USP6NL: variants seen among roughly 807,000 people sequenced by gnomAD.
USP6NL encodes USP6 N-terminal like, also known as USP6 N-terminal-like protein.
In USP6NL, 26 loss-of-function variants were observed where a neutral mutation model predicts 61.9. The observed-to-expected ratio is 0.42, with a 90% CI of 0.31 to 0.58. The LOEUF is 0.58. Ranked by LOEUF, USP6NL falls within the 20% of genes least tolerant of loss-of-function variation. The probability of loss-of-function intolerance (pLI) is 0.16; values close to 1 mark genes in which losing one functional copy is unlikely to be tolerated. For synonymous variants in USP6NL, 432 were observed against 390.1 expected (o/e 1.11, Z -1.27); for missense variants, 1,114 against 1,034.3 (o/e 1.08, Z -1.06).
chr10:11,589,747 G>A lies in USP6NL; in HGVS notation c.4+7884C>T, dbSNP rs905182182. On this transcript the variant is annotated intron_variant, in intron 2 of 14. Coordinates refer to ENST00000609104, the MANE Select transcript of USP6NL (RefSeq NM_014688.5). The surrounding 1 kb of genome is among the most constrained non-coding windows in gnomAD (Gnocchi z 4.7). The stretch of plus-strand genomic sequence containing the variant: ...TGTATTTTTAAAAAGACATTGTGAC[G>A]CCAAATGCCCCACAATATAAATGTT... Among the ~76,000 whole-genome samples, 2 of 152,048 alleles carry A rather than the reference G, an allele frequency of 1.3e-5. No individual in the cohort carries two copies. Among genetic ancestry groups the A allele is most frequent in the African/African-American group, 2.4e-5 (1 of 41,388 alleles).
intron 2 of USP6NL, among the ~76,000 whole-genome samples, chr10:11,550,405 C>A (rs1836437967): frequency 6.6e-6 from 1 of 152,116 alleles, no homozygotes; most frequent in Non-Finnish European, 1.5e-5. Context: ...TTCTTACAAC[C>A]CAGTAAGAAG....
In USP6NL at chr10:11,489,867, A is replaced by G. The variant is rs1833635914; in HGVS notation, c.544-645T>C. On this transcript the variant is annotated intron_variant, in intron 9 of 14. Coordinates refer to ENST00000609104, the MANE Select transcript of USP6NL (RefSeq NM_014688.5). This position sits in a 1 kb window ranked among gnomAD's most constrained non-coding sequence, Gnocchi z 5.7. ...CCAGAGACTGTAATCAGATGGGGGT[A>G]CGTACTGGAACAGAATGCTCACAAT... 6.6e-6 allele frequency among the ~76,000 whole-genome samples: 1 copy of G among 152,232 alleles called. No individual in the cohort carries two copies. The highest frequency in any genetic ancestry group is 1.5e-5 in the Non-Finnish European group (1 of 68,044).
At chr10:11,502,925 G>C (rs769721906) in intron 6 of USP6NL, among the ~76,000 whole-genome samples, 1 of 152,098 alleles carries the variant, frequency 6.6e-6, no homozygotes, top group Non-Finnish European at 1.5e-5. Context: ...GTACAGAAAG[G>C]CTTCATGTTG....
rs1424812711 is a variant in USP6NL, at chr10:11,528,018, T to C, written c.5-451A>G. 6.6e-6 allele frequency among the ~76,000 whole-genome samples: 1 copy of C among 152,148 alleles called. No individual in the cohort carries two copies. Among genetic ancestry groups the C allele is most frequent in the African/African-American group, 2.4e-5 (1 of 41,442 alleles). Reference sequence around the variant, plus strand: ...ATTTTACATGATACAAATATGTCTTTGTTTAGCCTTTTAGTTCCCTTTATC... The same window carrying C: ...ATTTTACATGATACAAATATGTCTTCGTTTAGCCTTTTAGTTCCCTTTATC... On this transcript the variant is annotated intron_variant, in intron 2 of 14. Transcript: ENST00000609104. The surrounding 1 kb of genome is among the most constrained non-coding windows in gnomAD (Gnocchi z 4.6).
chr10:11,583,548 T>G (rs949722351), intron 2 of USP6NL, among the ~76,000 whole-genome samples: 3 of 152,046 alleles, frequency 2.0e-5, no homozygotes, highest in Non-Finnish European at 4.4e-5. Flanking sequence ...GACTTCTCTT[T>G]TAACTTTGCA....
In USP6NL at chr10:11,531,748, A is replaced by G. The variant is rs1458475231; in HGVS notation, c.5-4181T>C. ...TGATTTTTTTTATCTAATGTAACAA[A>G]GTTTCAAAGTAAAAGAGGCATATTT... On this transcript the variant is annotated intron_variant, in intron 2 of 14. Coordinates refer to ENST00000609104, the MANE Select transcript of USP6NL (RefSeq NM_014688.5). Among the ~76,000 whole-genome samples the G allele has an allele frequency of 2.0e-5, 3 of 152,178 alleles. No individual in the cohort carries two copies. The South Asian group carries it at 6.2e-4, about 31-fold the overall frequency.
intron 2 of USP6NL, among the ~76,000 whole-genome samples, chr10:11,565,851 C>T (rs1353132793): frequency 6.6e-6 from 1 of 151,976 alleles, no homozygotes; most frequent in African/African-American, 2.4e-5. Flanking sequence ...TTTTGGATTC[C>T]CTTTACTTCA....
intron 2 of USP6NL, among the ~76,000 whole-genome samples, chr10:11,593,476 C>T (rs916757686): frequency 6.6e-6 from 1 of 152,100 alleles, no homozygotes; most frequent in Non-Finnish European, 1.5e-5. Context: ...AGTATAACAA[C>T]TTAATTTAAT....
rs781270769 is a variant in USP6NL at position 11,462,785 on chromosome 10, C to T, written c.2143G>A (p.Gly715Arg). The change falls in exon 15 of 15, where the codon GGG becomes AGG. Residue 715 changes from glycine to arginine, a missense_variant. By Grantham distance (125) the Gly-to-Arg change is moderately radical. Coordinates refer to ENST00000609104, the MANE Select transcript of USP6NL (RefSeq NM_014688.5). ...TGAGGYSGNS[G>R]SPKNGKLIIP... The stretch of plus-strand genomic sequence containing the variant: ...ATCAATTTTCCATTCTTTGGTGACC[C>T]TGAATTGCCCGAATATCCCCCAGCA... 108 of 1,613,884 alleles carry T rather than the reference C, an allele frequency of 6.7e-5. 1 individual carries two copies. The Admixed American group carries it at 1.7e-3, about 25-fold the overall frequency.
At chr10:11,610,189 T>G (rs958076953) in intron 1 of USP6NL, among the ~76,000 whole-genome samples, 3 of 152,200 alleles carry the variant, frequency 2.0e-5, no homozygotes, top group African/African-American at 4.8e-5. Flanking sequence ...TTTTTTCTAT[T>G]TGGACATTTT....
At position 11,463,391 on chromosome 10, in the gene USP6NL, G is replaced by A. The variant is rs762356741; in HGVS notation, c.1537C>T (p.Pro513Ser). ...TMEGKGRAAH[P>S]ALAVTVPGPA... ...CCTGGGACGGTAACTGCGAGCGCGG[G>A]GTGCGCTGCTCGACCTTTGCCTTCC... is the stretch of plus-strand genomic sequence containing the variant. The change falls in exon 15 of 15, where the codon CCC becomes TCC. Residue 513 changes from proline to serine, a missense_variant. Pro to Ser is a moderately conservative substitution (Grantham distance 74). Coordinates refer to ENST00000609104, the MANE Select transcript of USP6NL (RefSeq NM_014688.5). The surrounding 1 kb of genome is among the most constrained non-coding windows in gnomAD (Gnocchi z 6.3). 3.1e-6 allele frequency: 5 copies of A among 1,614,028 alleles called. No homozygotes were observed. Among genetic ancestry groups the A allele is most frequent in the Non-Finnish European group, 3.4e-6 (4 of 1,179,910 alleles).
rs1281983750 is a variant in USP6NL, at chr10:11,489,327, T to A, written c.544-105A>T. ...AAAAACCAGAAAATGCCTACACACA[T>A]CATTTAATGGTCCATTCTAGAGACA... On this transcript the variant is annotated intron_variant, in intron 9 of 14. Transcript: ENST00000609104. The surrounding 1 kb of genome is among the most constrained non-coding windows in gnomAD (Gnocchi z 5.7). 1.4e-6 allele frequency: 2 copies of A among 1,422,626 alleles called. No individual in the cohort carries two copies. Among genetic ancestry groups the A allele is most frequent in the Non-Finnish European group, 1.9e-6 (2 of 1,050,008 alleles). 88.1% of individuals were successfully genotyped at this position (1,422,626 alleles called of 1,614,324 possible). A position where few individuals can be genotyped will look rare whatever the true frequency, so the allele number is the denominator to read the frequency against.
intron 2 of USP6NL, among the ~76,000 whole-genome samples, chr10:11,568,156 TG>T (rs2133560030): frequency 6.6e-6 from 1 of 151,062 alleles, no homozygotes; most frequent in East Asian, 2.0e-4. Context: ...TAGTTGTGTG[TG>T]TGTGTGTGTG....
intron 4 of USP6NL, among the ~76,000 whole-genome samples, chr10:11,521,444 G>A (rs992863864): frequency 8.7e-5 from 13 of 150,104 alleles, no homozygotes; most frequent in Admixed American, 2.0e-4. Flanking sequence ...GCAACGGTGC[G>A]ATCTCCGCTC....
intron 2 of USP6NL, among the ~76,000 whole-genome samples, chr10:11,556,666 T>C (rs775395469): frequency 4.6e-5 from 7 of 152,108 alleles, no homozygotes; most frequent in Non-Finnish European, 1.0e-4. Flanking sequence ...CAATAATCAT[T>C]ACAGGAGATA....
In USP6NL at chr10:11,510,794, AAGGGC is replaced by A; in HGVS notation, c.196-1124_196-1120del. Among the ~76,000 whole-genome samples, 3 of 152,228 alleles carry A rather than the reference AAGGGC, an allele frequency of 2.0e-5. No homozygotes were observed. Among genetic ancestry groups the A allele is most frequent in the Non-Finnish European group, 4.4e-5 (3 of 68,034 alleles). On this transcript the variant is annotated intron_variant, in intron 5 of 14. Coordinates refer to ENST00000609104, the MANE Select transcript of USP6NL (RefSeq NM_014688.5). The surrounding 1 kb of genome is among the most constrained non-coding windows in gnomAD (Gnocchi z 4.8). ...ATTTTACAATGAGGAAACAGGCACA[AAGGGC>A]TTAAGGGACTTGTCCCAAGTCACCC...
At chr10:11,551,742 T>C (rs1186310822) in intron 2 of USP6NL, among the ~76,000 whole-genome samples, 1 of 152,208 alleles carries the variant, frequency 6.6e-6, no homozygotes, top group African/African-American at 2.4e-5. Flanking sequence ...CTCACTGACA[T>C]TCTACAACTT....
At position 11,499,657 on chromosome 10, in the gene USP6NL, G is replaced by A. The variant is rs563912699; in HGVS notation, c.384+1444C>T. On this transcript the variant is annotated intron_variant, in intron 7 of 14. Coordinates refer to ENST00000609104, the MANE Select transcript of USP6NL (RefSeq NM_014688.5). The surrounding 1 kb of genome is among the most constrained non-coding windows in gnomAD (Gnocchi z 4.5). ...GCCAGGTGATAAGGAAGACAGGGAT[G>A]GAGCGATGCCAAAATGCACTAAGGA... Among the ~76,000 whole-genome samples the A allele has an allele frequency of 3.2e-4, 49 of 152,280 alleles. No individual in the cohort carries two copies. Among genetic ancestry groups the A allele is most frequent in the Admixed American group, 2.0e-3 (30 of 15,298 alleles).
intron 2 of USP6NL, among the ~76,000 whole-genome samples, chr10:11,557,341 G>A (rs867263940): frequency 1.6e-4 from 24 of 152,270 alleles, no homozygotes; most frequent in African/African-American, 5.5e-4. Flanking sequence ...AAGGAGGCAA[G>A]TACAATACCC....
Sources: allele counts gnomAD v4.1 joint callset (sites outside exome capture counted in the v4.1 genomes callset), GRCh38; gene constraint gnomAD v4.1.1; non-coding constraint Gnocchi (gnomAD v3.1); transcripts MANE v1.5; gene names NCBI Gene and HGNC (gene_info 2026-07-23, HGNC 2026-07-21).